WDR72: variants seen among roughly 807,000 people sequenced by gnomAD.
The protein encoded by WDR72 is WD repeat-containing protein 72.
A neutral mutation model predicts 124.2 loss-of-function variants in WDR72; 120 were observed. That is an observed-to-expected ratio of 0.97 (90% confidence interval 0.83 to 1.12). The LOEUF (loss-of-function observed/expected upper bound fraction) is 1.12, where lower values mean the gene tolerates loss of function less well. WDR72 is among the 50% of genes most tolerant of loss of function. WDR72 has a pLI of 0.00. For missense variants in WDR72, 1,387 were observed against 1,278.8 expected, an observed-to-expected ratio of 1.08 and a Z score of -1.29; for synonymous variants, 452 against 441.7, an observed-to-expected ratio of 1.02 and a Z score of -0.29.
At chr15:53,598,228 TCCCAGTGCCTTTCATATAGCTACA>T (rs2012870955) in intron 17 of WDR72, among the ~76,000 whole-genome samples, 1 of 78,118 alleles carries the variant, frequency 1.3e-5, no homozygotes, top group Non-Finnish European at 4.0e-5. Context: ...TATAGCTACA[TCCCAGTGCCTTTCATATAGCTACA>T]TCCCAGTGCC....
intron 9 of WDR72, among the ~76,000 whole-genome samples, chr15:53,706,350 G>GTATATATATATATA (rs56246540): frequency 7.8e-5 from 2 of 25,760 alleles, no homozygotes; most frequent in African/African-American, 1.4e-4. Context: ...GTGTGTGTGT[G>GTATATATATATATA]TATATATATA....
rs1208381184 is a variant in WDR72, at chr15:53,705,215, G to A, written c.1121C>T (p.Thr374Ile). ...ATCAAAATTATCTTGAAGAGTCCAG[G>A]TGGCAGTTACTGGTATCTCTAAAAA... ...GSPREIPVTA[T>I]WTLQDNFDKH... The change falls in exon 11 of 20, where the codon ACC (threonine) becomes ATC (isoleucine). Residue 374 changes from threonine (T) to isoleucine (I), a missense_variant. Transcript: ENST00000360509. 2 of 1,613,498 alleles carry A rather than the reference G, an allele frequency of 1.2e-6. No homozygotes were observed. Among genetic ancestry groups the A allele is most frequent in the South Asian group, 2.2e-5 (2 of 91,076 alleles).
chr15:53,606,093 G>C (rs537536743), intron 17 of WDR72, among the ~76,000 whole-genome samples: 1 of 152,248 alleles, frequency 6.6e-6, no homozygotes, highest in African/African-American at 2.4e-5. Context: ...TCCACAGCCA[G>C]CATTTCACAT....
chr15:53,608,859 G>T (rs536610728), intron 17 of WDR72, among the ~76,000 whole-genome samples: 1 of 152,142 alleles, frequency 6.6e-6, no homozygotes, highest in Admixed American at 6.6e-5. Flanking sequence ...GAAGGGTAGT[G>T]TGGGATAGAG....
chr15:53,559,581 G>A (rs190726739), intron 18 of WDR72, among the ~76,000 whole-genome samples: 4 of 152,068 alleles, frequency 2.6e-5, no homozygotes, highest in African/African-American at 9.6e-5. Flanking sequence ...ACAGAAACTA[G>A]CAATTGTGCC....
upstream of WDR72, among the ~76,000 whole-genome samples, chr15:53,760,009 C>G (rs1293836335): frequency 2.0e-5 from 2 of 100,874 alleles, no homozygotes; most frequent in African/African-American, 7.0e-5. Flanking sequence ...AGAGATGAGG[C>G]CTCAACCTTT....
intron 14 of WDR72, among the ~76,000 whole-genome samples, chr15:53,661,927 A>G (rs2015622302): frequency 6.6e-6 from 1 of 152,128 alleles, no homozygotes; most frequent in African/African-American, 2.4e-5. Flanking sequence ...GGATACTACA[A>G]TGGGCCCCAA....
chr15:53,722,780 A>G, intron 3 of WDR72, 22 bp downstream of exon 3: 1 of 1,604,370 alleles, frequency 6.2e-7, no homozygotes, highest in Non-Finnish European at 8.5e-7. Context: ...AGAAGGGGAC[A>G]AAGTTTACAT....
chr15:53,521,449 A>G (rs57715130), intron 19 of WDR72, among the ~76,000 whole-genome samples: 6,218 of 152,224 alleles, frequency 0.041, 357 homozygotes, highest in African/African-American at 0.13. Context: ...CTTAAAATGC[A>G]GGAAGGGACA....
intron 2 of WDR72, among the ~76,000 whole-genome samples, chr15:53,730,177 T>C (rs2140603015): frequency 6.6e-6 from 1 of 152,278 alleles, no homozygotes. Flanking sequence ...AGTGGAATAT[T>C]ATTCAAACTT....
At chr15:53,548,644 C>CT (rs397947951) in intron 18 of WDR72, among the ~76,000 whole-genome samples, 8,428 of 135,204 alleles carry the variant, frequency 0.062, 683 homozygotes, top group African/African-American at 0.19. Context: ...ATGAACTGTG[C>CT]TTTTTTTTTT....
At chr15:53,649,296 C>T (rs1484822188) in intron 14 of WDR72, among the ~76,000 whole-genome samples, 1 of 152,012 alleles carries the variant, frequency 6.6e-6, no homozygotes, top group Non-Finnish European at 1.5e-5. Flanking sequence ...GCCCACAAAA[C>T]CAAAAAATAT....
intron 13 of WDR72, among the ~76,000 whole-genome samples, chr15:53,668,900 G>A (rs1444082628): frequency 5.2e-5 from 5 of 96,902 alleles, no homozygotes; most frequent in African/African-American, 7.0e-5. Flanking sequence ...GTGAGACCTC[G>A]TCTCAAAAAA....
intron 18 of WDR72, among the ~76,000 whole-genome samples, chr15:53,556,057 T>C (rs1393728010): frequency 6.6e-6 from 1 of 152,156 alleles, no homozygotes; most frequent in Non-Finnish European, 1.5e-5. Context: ...AAAATAAATG[T>C]TTGGATGACA....
chr15:53,715,459 G>A (rs1214356941), intron 4 of WDR72, 92 bp from the exon 5 acceptor site: 5 of 1,472,496 alleles, frequency 3.4e-6, no homozygotes, highest in Non-Finnish European at 4.7e-6. Context: ...TTTAGTTTTA[G>A]CATATGATCA....
intron 13 of WDR72, among the ~76,000 whole-genome samples, chr15:53,690,127 T>G (rs1328437758): frequency 2.7e-5 from 4 of 149,166 alleles, no homozygotes; most frequent in Admixed American, 1.3e-4. Flanking sequence ...GATGACAAGT[T>G]AGTGGGTGCA....
chr15:53,653,533 T>C (rs536744765), intron 14 of WDR72, among the ~76,000 whole-genome samples: 3 of 152,138 alleles, frequency 2.0e-5, no homozygotes, highest in Non-Finnish European at 4.4e-5. Flanking sequence ...GGCCAAATAG[T>C]TGGGGATTAA....
At chr15:53,565,097 G>C (rs1405437671) in intron 18 of WDR72, among the ~76,000 whole-genome samples, 1 of 151,828 alleles carries the variant, frequency 6.6e-6, no homozygotes, top group Non-Finnish European at 1.5e-5. Flanking sequence ...TTTGGGGAAA[G>C]GTGCTGGAGA....
At chr15:53,583,535 G>T (rs998237999) in intron 18 of WDR72, among the ~76,000 whole-genome samples, 1 of 151,888 alleles carries the variant, frequency 6.6e-6, no homozygotes, top group Non-Finnish European at 1.5e-5. Context: ...TTACCACCTG[G>T]AGACCTCTTG....
Sources: allele counts gnomAD v4.1 joint callset (sites outside exome capture counted in the v4.1 genomes callset), GRCh38; gene constraint gnomAD v4.1.1; transcripts MANE v1.5; gene names NCBI Gene and HGNC (gene_info 2026-07-23, HGNC 2026-07-21).